Variants in KCNK2 observed in about 807,000 individuals in gnomAD.
The protein encoded by KCNK2 is potassium two pore domain channel subfamily K member 2.
In KCNK2, 21 loss-of-function variants were observed where a neutral mutation model predicts 40.5. The ratio of observed to expected loss-of-function variants is 0.52; its 90% CI spans 0.37 to 0.75. KCNK2 has a LOEUF of 0.75. Among genes scored for constraint, KCNK2 ranks in the 30% least tolerant of loss-of-function variants. The pLI is 0.00. For missense variants in KCNK2, 399 were observed against 531.6 expected (o/e 0.75, Z 2.45); for synonymous variants, 191 against 202.2 (o/e 0.94, Z 0.47).
intron 2 of KCNK2, among the ~76,000 whole-genome samples, chr1:215,118,749 A>G (rs1009665217): frequency 1.3e-4 from 20 of 152,120 alleles, no homozygotes; most frequent in Admixed American, 4.6e-4. Context: ...TTAAATATCC[A>G]ATTAAAATAA....
In KCNK2 at chr1:215,124,788, C is replaced by T. The variant is rs746022050; in HGVS notation, c.475+38C>T. 31 of 1,161,618 alleles carry T rather than the reference C, an allele frequency of 2.7e-5. No individual in the cohort carries two copies. The South Asian group carries it at 2.8e-4, about 11-fold the overall frequency. 72.0% of individuals were successfully genotyped at this position (1,161,618 alleles called of 1,614,324 possible). On this transcript the variant is annotated intron_variant, in intron 3 of 6. Transcript: ENST00000444842. ...TTATTTTTGTTTTTTGTTTTGATAC[C>T]GTTTGTGAGCTAAAATCCATTTGTT...
intron 5 of KCNK2, among the ~76,000 whole-genome samples, chr1:215,193,347 G>C (rs1664742485): frequency 6.6e-6 from 1 of 151,840 alleles, no homozygotes; most frequent in Non-Finnish European, 1.5e-5. Flanking sequence ...CTTCTGCCCT[G>C]TTCTATTAAG....
chr1:215,230,894 A>G lies in KCNK2; in HGVS notation c.964-3934A>G, dbSNP rs549025232. 3.9e-5 allele frequency among the ~76,000 whole-genome samples: 6 copies of G among 152,272 alleles called. No individual in the cohort carries two copies. In the East Asian group the frequency reaches 9.7e-4, roughly 25 times the overall value. On this transcript the variant is annotated intron_variant, in intron 6 of 6. Transcript: ENST00000444842. The stretch of plus-strand genomic sequence containing the variant: ...GTTTCCAAAATTAGACAAAAATACC[A>G]GCCTCTGACAGAAATTGAATGCAAT...
In KCNK2 at chr1:215,235,439, G is replaced by A. The variant is rs1666843677; in HGVS notation, c.*294G>A. 3.3e-6 allele frequency: 1 copy of A among 307,128 alleles called. No homozygotes were observed. Among genetic ancestry groups the A allele is most frequent in the East Asian group, 5.5e-5 (1 of 18,182 alleles). The allele number at this position is 307,128 out of a possible 1,614,324, so 19.0% of individuals were successfully genotyped here. On this transcript the variant is annotated 3_prime_UTR_variant, in exon 7 of 7. Transcript: ENST00000444842. ...CTCTCTTTCCCTAATGTGCCATAAG[G>A]CCTCAGAATGAATGAGAATTGTTTC...
upstream of KCNK2, among the ~76,000 whole-genome samples, chr1:215,081,125 T>G (rs1659137511): frequency 6.6e-6 from 1 of 151,724 alleles, no homozygotes; most frequent in Non-Finnish European, 1.5e-5. Flanking sequence ...CTGAGCCAAT[T>G]CCTTAAAATA....
chr1:215,175,624 T>C (rs1290255906), intron 5 of KCNK2, among the ~76,000 whole-genome samples: 1 of 152,046 alleles, frequency 6.6e-6, no homozygotes, highest in Non-Finnish European at 1.5e-5. Context: ...ACCCAATAGT[T>C]AGCTTTTCAA....
intron 3 of KCNK2, among the ~76,000 whole-genome samples, chr1:215,132,081 A>G (rs1373978558): frequency 6.6e-6 from 1 of 152,220 alleles, no homozygotes; most frequent in Non-Finnish European, 1.5e-5. Context: ...ATTCCAGATA[A>G]AAAGGAGTCA....
intron 1 of KCNK2, among the ~76,000 whole-genome samples, chr1:215,051,017 A>G (rs1191403884): frequency 6.6e-6 from 1 of 152,206 alleles, no homozygotes; most frequent in African/African-American, 2.4e-5. Context: ...TTGATTCAGT[A>G]CTGTCAGAGA....
intron 2 of KCNK2, 21 bp downstream of exon 2, chr1:215,086,699 G>C: frequency 6.3e-7 from 1 of 1,596,574 alleles, no homozygotes; most frequent in South Asian, 1.1e-5. Flanking sequence ...GGGAGGAGTT[G>C]TTACTCTGTT....
chr1:215,137,749 G>A (rs964885546), intron 3 of KCNK2, among the ~76,000 whole-genome samples: 2 of 152,114 alleles, frequency 1.3e-5, no homozygotes, highest in African/African-American at 4.8e-5. Context: ...AACTCAAAAG[G>A]ATAATGTATT....
chr1:215,110,143 T>G (rs1391416827), intron 2 of KCNK2, among the ~76,000 whole-genome samples: 1 of 152,144 alleles, frequency 6.6e-6, no homozygotes, highest in Non-Finnish European at 1.5e-5. Flanking sequence ...TTGTAAATAT[T>G]TTCTCTTATT....
intron 6 of KCNK2, among the ~76,000 whole-genome samples, chr1:215,209,165 G>C (rs1337976261): frequency 7.2e-6 from 1 of 138,474 alleles, no homozygotes; most frequent in East Asian, 2.1e-4. Context: ...TTTTAGTGAG[G>C]GCATTTTTTA....
chr1:215,201,755 T>C (rs1190040017), intron 6 of KCNK2, among the ~76,000 whole-genome samples: 1 of 152,198 alleles, frequency 6.6e-6, no homozygotes, highest in Non-Finnish European at 1.5e-5. Context: ...TTATAATGCT[T>C]GCTTTTACTT....
chr1:215,166,981 A>G (rs1012405784), intron 3 of KCNK2, among the ~76,000 whole-genome samples: 18 of 152,240 alleles, frequency 1.2e-4, no homozygotes, highest in Admixed American at 5.9e-4. Context: ...AAAAAAGTCA[A>G]AGTTCTTGAA....
intron 2 of KCNK2, among the ~76,000 whole-genome samples, chr1:215,100,173 T>C (rs1439319721): frequency 6.6e-6 from 1 of 151,818 alleles, no homozygotes; most frequent in Non-Finnish European, 1.5e-5. Flanking sequence ...GAATCCTTAG[T>C]AAGGTTTTGT....
chr1:215,199,614 A>T (rs559696376), intron 6 of KCNK2, among the ~76,000 whole-genome samples: 2 of 152,272 alleles, frequency 1.3e-5, no homozygotes, highest in South Asian at 4.1e-4. Flanking sequence ...GCTCCAGTGG[A>T]GGGTAGGCAC....
chr1:215,206,495 T>A lies in KCNK2; in HGVS notation c.963+11403T>A, dbSNP rs189430645. Among the ~76,000 whole-genome samples, 21 of 152,268 alleles carry A rather than the reference T, an allele frequency of 1.4e-4. No individual in the cohort carries two copies. The East Asian group carries it at 3.7e-3, about 27-fold the overall frequency. ...ATTATAACCTTTACATTATGGAAAA[T>A]CATATTTAGCCACACATCTATGTTA... On this transcript the variant is annotated intron_variant, in intron 6 of 6. Transcript: ENST00000444842.
chr1:215,187,676 C>G (rs1218109069), intron 5 of KCNK2, among the ~76,000 whole-genome samples: 18 of 151,246 alleles, frequency 1.2e-4, no homozygotes, highest in Admixed American at 1.2e-3. Context: ...GGGTCTATAC[C>G]TTAAAGGGGT....
chr1:215,141,739 G>T (rs1571658823), intron 3 of KCNK2, among the ~76,000 whole-genome samples: 1 of 152,044 alleles, frequency 6.6e-6, no homozygotes, highest in African/African-American at 2.4e-5. Context: ...GCAGGGAGAA[G>T]TTTGATATTA....
Sources: gnomAD v4.1 joint callset for allele counts (sites outside exome capture counted in the v4.1 genomes callset) on GRCh38, gnomAD v4.1.1 for gene constraint, MANE v1.5 for transcripts, NCBI Gene and HGNC (gene_info 2026-07-23, HGNC 2026-07-21) for gene names.